Variants in LRRC4C observed in about 807,000 individuals in gnomAD.
LRRC4C encodes leucine-rich repeat-containing protein 4C.
A neutral mutation model predicts 33.6 loss-of-function variants in LRRC4C; 5 were observed. The observed-to-expected ratio is 0.15, with a 90% CI of 0.08 to 0.31. LRRC4C has a LOEUF of 0.31. LRRC4C is among the 10% of genes least tolerant of loss of function. LRRC4C has a pLI of 1.00. For missense variants in LRRC4C, 560 were observed against 796.7 expected (o/e 0.70, Z 3.58); for synonymous variants, 329 against 302.0 (o/e 1.09, Z -0.93).
intron 4 of LRRC4C, among the ~76,000 whole-genome samples, chr11:40,242,646 G>A (rs942688787): frequency 6.6e-6 from 1 of 152,060 alleles, no homozygotes; most frequent in African/African-American, 2.4e-5. Context: ...TCATTTTTAT[G>A]ACATACACAA....
intron 4 of LRRC4C, among the ~76,000 whole-genome samples, chr11:40,316,408 C>A (rs1177420751): frequency 3.3e-5 from 5 of 151,908 alleles, no homozygotes; most frequent in Non-Finnish European, 7.4e-5. Context: ...GTTGCTTTGT[C>A]CAGTTAATCA....
At chr11:40,925,720 C>T (rs1212690092) in intron 2 of LRRC4C, among the ~76,000 whole-genome samples, 3 of 151,922 alleles carry the variant, frequency 2.0e-5, no homozygotes, top group African/African-American at 4.8e-5. Flanking sequence ...TAGCTGAGTC[C>T]CCATGGTAAA....
intron 1 of LRRC4C, among the ~76,000 whole-genome samples, chr11:41,077,686 G>C (rs140251956): frequency 3.0e-4 from 46 of 152,290 alleles, no homozygotes; most frequent in African/African-American, 1.1e-3. Flanking sequence ...ACATTTCCTG[G>C]AGACATTTTC....
At position 41,260,802 on chromosome 11, in the gene LRRC4C, A is replaced by T. The variant is rs1277341977; in HGVS notation, c.-496+198629T>A. On this transcript the variant is annotated intron_variant, in intron 1 of 6. Coordinates refer to ENST00000528697, the MANE Select transcript of LRRC4C (RefSeq NM_001258419.2). ...AGCAGTAGAGAATAGTGATAACCTC[A>T]TTCATACCACAGAACTTGCTATTCT... Among the ~76,000 whole-genome samples, 11 of 152,092 alleles carry T rather than the reference A, an allele frequency of 7.2e-5. No homozygotes were observed. In the East Asian group the frequency reaches 1.9e-3, roughly 27 times the overall value.
chr11:40,566,280 A>G lies in LRRC4C; in HGVS notation c.-270+81862T>C, dbSNP rs541045523. Among the ~76,000 whole-genome samples the G allele has an allele frequency of 4.6e-5, 7 of 151,974 alleles. No homozygotes were observed. In the East Asian group the frequency reaches 1.2e-3, roughly 25 times the overall value. On this transcript the variant is annotated intron_variant, in intron 3 of 6. Transcript: ENST00000528697. The stretch of plus-strand genomic sequence containing the variant: ...TCTGCATATCACCCTTAAATATTAT[A>G]TAATTCATATTAAAACTTCAGCAAA...
chr11:40,439,252 CT>C (rs1263622326), intron 3 of LRRC4C, among the ~76,000 whole-genome samples: 1 of 150,630 alleles, frequency 6.6e-6, no homozygotes, highest in Non-Finnish European at 1.5e-5. Flanking sequence ...TAAGTTGCTA[CT>C]TTTTTACTGA....
At chr11:40,674,173 G>T (rs1167496609) in intron 2 of LRRC4C, among the ~76,000 whole-genome samples, 1 of 152,110 alleles carries the variant, frequency 6.6e-6, no homozygotes, top group Non-Finnish European at 1.5e-5. Flanking sequence ...TATAAAATTG[G>T]CTTTGCCTAT....
intron 1 of LRRC4C, among the ~76,000 whole-genome samples, chr11:41,448,143 G>GTTTTTTT (rs1955895236): frequency 5.2e-5 from 1 of 19,172 alleles, no homozygotes; most frequent in Non-Finnish European, 8.7e-5. Context: ...TTTTTTTTTT[G>GTTTTTTT]GAGCTTTACT....
At chr11:40,791,858 A>G (rs1950634550) in intron 2 of LRRC4C, among the ~76,000 whole-genome samples, 1 of 152,126 alleles carries the variant, frequency 6.6e-6, no homozygotes, top group Admixed American at 6.5e-5. Flanking sequence ...AGAATATTTA[A>G]ATGGAAGGAG....
chr11:40,546,101 CCTT>C (rs1317797650), intron 3 of LRRC4C, among the ~76,000 whole-genome samples: 1 of 148,900 alleles, frequency 6.7e-6, no homozygotes, highest in African/African-American at 2.5e-5. Context: ...TTCCTTCCTT[CCTT>C]CCTTCCTTCC....
At chr11:41,271,240 T>G (rs111227057) in intron 1 of LRRC4C, among the ~76,000 whole-genome samples, 1 of 152,040 alleles carries the variant, frequency 6.6e-6, no homozygotes, top group Non-Finnish European at 1.5e-5. Flanking sequence ...TAAGTATTTT[T>G]AAAAATGTGA....
chr11:40,943,770 C>A (rs926235574), intron 1 of LRRC4C, among the ~76,000 whole-genome samples: 2 of 152,154 alleles, frequency 1.3e-5, no homozygotes, highest in African/African-American at 4.8e-5. Context: ...ATGTGGAATA[C>A]ATTCAACTTC....
chr11:40,419,736 T>A (rs1950454764), intron 3 of LRRC4C, among the ~76,000 whole-genome samples: 1 of 152,316 alleles, frequency 6.6e-6, no homozygotes, highest in East Asian at 1.9e-4. Flanking sequence ...GTTAAAAAAA[T>A]TGATAGGCTC....
intron 3 of LRRC4C, among the ~76,000 whole-genome samples, chr11:40,355,805 G>T (rs182202264): frequency 2.6e-5 from 4 of 152,088 alleles, no homozygotes; most frequent in Non-Finnish European, 4.4e-5. Flanking sequence ...CTGATTTTTG[G>T]CTCTTATAAA....
At chr11:40,440,442 A>G (rs1311172088) in intron 3 of LRRC4C, among the ~76,000 whole-genome samples, 1 of 152,024 alleles carries the variant, frequency 6.6e-6, no homozygotes, top group African/African-American at 2.4e-5. Context: ...TATATATTCA[A>G]CCTCAGCCTT....
At chr11:40,307,728 T>C (rs927531110) in intron 4 of LRRC4C, among the ~76,000 whole-genome samples, 5 of 152,212 alleles carry the variant, frequency 3.3e-5, no homozygotes, top group African/African-American at 1.2e-4. Flanking sequence ...GCTCATTAAA[T>C]GTTTGTTAAA....
chr11:40,346,508 A>G (rs1590388171), intron 3 of LRRC4C, among the ~76,000 whole-genome samples: 1 of 152,294 alleles, frequency 6.6e-6, no homozygotes, highest in East Asian at 1.9e-4. Context: ...ATGAGAACAC[A>G]TGGACACACA....
At chr11:40,502,321 C>A (rs566674963) in intron 3 of LRRC4C, among the ~76,000 whole-genome samples, 3 of 152,266 alleles carry the variant, frequency 2.0e-5, no homozygotes, top group Non-Finnish European at 4.4e-5. Context: ...TTTTGGGTAT[C>A]TTTTCAGCAG....
At position 40,559,459 on chromosome 11, in the gene LRRC4C, A is replaced by G. The variant is rs975370877; in HGVS notation, c.-270+88683T>C. The stretch of plus-strand genomic sequence containing the variant: ...CTTGGCCTCCCAAAGTGCTGGGATT[A>G]CAGGCTGGAGCCACTGTGCCTGACC... On this transcript the variant is annotated intron_variant, in intron 3 of 6. Transcript: ENST00000528697. Among the ~76,000 whole-genome samples the G allele has an allele frequency of 2.0e-5, 3 of 152,278 alleles. No individual in the cohort carries two copies. In the South Asian group the frequency reaches 6.2e-4, roughly 32 times the overall value.
Sources: gnomAD v4.1 joint callset for allele counts (sites outside exome capture counted in the v4.1 genomes callset) on GRCh38, gnomAD v4.1.1 for gene constraint, MANE v1.5 for transcripts, NCBI Gene and HGNC (gene_info 2026-07-23, HGNC 2026-07-21) for gene names.